RERE: variants seen among roughly 807,000 people sequenced by gnomAD.
The protein encoded by RERE is arginine-glutamic acid dipeptide repeats protein.
A neutral mutation model predicts 146.1 loss-of-function variants in RERE; 40 were observed. The ratio of observed to expected loss-of-function variants is 0.27; its 90% CI spans 0.21 to 0.36. The LOEUF is 0.36. Among genes scored for constraint, RERE ranks in the 10% least tolerant of loss-of-function variants. The pLI is 1.00. For synonymous variants in RERE, 1,003 were observed against 866.0 expected (o/e 1.16, Z -2.78); for missense variants, 1,933 against 2,138.7 (o/e 0.90, Z 1.90).
At chr1:8,464,446 A>C (rs1336111720) in intron 11 of RERE, among the ~76,000 whole-genome samples, 1 of 151,944 alleles carries the variant, frequency 6.6e-6, no homozygotes, top group Non-Finnish European at 1.5e-5. Context: ...AGCAACCCCC[A>C]GAGACCACCG....
At chr1:8,797,488 T>C (rs1219252243) in intron 1 of RERE, among the ~76,000 whole-genome samples, 2 of 152,162 alleles carry the variant, frequency 1.3e-5, no homozygotes, top group East Asian at 3.8e-4. Context: ...TATGCTTTAG[T>C]AGACATATTA....
intron 7 of RERE, among the ~76,000 whole-genome samples, chr1:8,533,157 TG>T (rs1161715475): frequency 6.6e-6 from 1 of 151,614 alleles, no homozygotes; most frequent in Non-Finnish European, 1.5e-5. Context: ...GGCGGAAATC[TG>T]GATGTAATGG....
chr1:8,679,364 C>G (rs777839102), intron 1 of RERE, among the ~76,000 whole-genome samples: 1 of 152,040 alleles, frequency 6.6e-6, no homozygotes, highest in Non-Finnish European at 1.5e-5. Context: ...CAACGTGACC[C>G]GAGGAAAAAA....
intron 4 of RERE, among the ~76,000 whole-genome samples, chr1:8,607,964 G>C (rs1646742180): frequency 6.6e-6 from 1 of 152,096 alleles, no homozygotes; most frequent in African/African-American, 2.4e-5. Context: ...GACTTCAAGT[G>C]ATCCACCCAC....
intron 1 of RERE, among the ~76,000 whole-genome samples, chr1:8,676,212 T>G (rs766414852): frequency 6.6e-6 from 1 of 152,168 alleles, no homozygotes; most frequent in Non-Finnish European, 1.5e-5. Flanking sequence ...GAGTCACAGA[T>G]TAGAATAACA....
chr1:8,556,684 T>G, intron 5 of RERE, 113 bp from the exon 6 acceptor site: 2 of 667,258 alleles, frequency 3.0e-6, no homozygotes, highest in East Asian at 2.6e-5. Context: ...CGGGCCTGGT[T>G]AGCATCGTTA....
rs113620789 is a variant in RERE at position 8,662,339 on chromosome 1, C to CA, written c.-144-5899dup. On this transcript the variant is annotated intron_variant, in intron 1 of 22. Transcript: ENST00000400908. ...TCTCAAAACCAATTCAGACAAAGCA[C>CA]AAAAATTTCAGTCATACTCATGGTC... is the stretch of plus-strand genomic sequence containing the variant. 9.9e-3 allele frequency among the ~76,000 whole-genome samples: 1,506 copies of CA among 152,320 alleles called. 26 individuals carry two copies. Among genetic ancestry groups the CA allele is most frequent in the African/African-American group, 0.035 (1,448 of 41,556 alleles).
chr1:8,717,419 G>A (rs1042672095), intron 1 of RERE, among the ~76,000 whole-genome samples: 5 of 152,108 alleles, frequency 3.3e-5, no homozygotes, highest in African/African-American at 7.2e-5. Context: ...TACACTTCAC[G>A]AGTTCATTAA....
chr1:8,706,113 C>CAA (rs61016240), intron 1 of RERE, among the ~76,000 whole-genome samples: 93 of 69,172 alleles, frequency 1.3e-3, no homozygotes, highest in East Asian at 2.2e-3. Flanking sequence ...ACTCCGTCTC[C>CAA]AAAAAAAAAA....
At chr1:8,595,394 T>C (rs1308864358) in intron 4 of RERE, among the ~76,000 whole-genome samples, 1 of 152,026 alleles carries the variant, frequency 6.6e-6, no homozygotes, top group Non-Finnish European at 1.5e-5. Flanking sequence ...CTGAATATTT[T>C]GTTACAACAT....
At chr1:8,439,845 G>A (rs939981751) in intron 11 of RERE, among the ~76,000 whole-genome samples, 35 of 152,206 alleles carry the variant, frequency 2.3e-4, no homozygotes, top group African/African-American at 8.2e-4. Flanking sequence ...GGCCGAGGTG[G>A]GTGGATCACC....
chr1:8,482,681 CAA>C (rs35501735), intron 10 of RERE, among the ~76,000 whole-genome samples: 52 of 51,224 alleles, frequency 1.0e-3, no homozygotes, highest in South Asian at 4.7e-3. Context: ...GATTCTGTTG[CAA>C]AAAAAAAAAA....
intron 4 of RERE, among the ~76,000 whole-genome samples, chr1:8,579,279 T>C (rs933764724): frequency 4.6e-5 from 7 of 152,204 alleles, no homozygotes; most frequent in African/African-American, 1.7e-4. Flanking sequence ...GAAAAGCTTT[T>C]ACTGTCAAAA....
intron 12 of RERE, among the ~76,000 whole-genome samples, chr1:8,397,277 TTAAG>T (rs1290810887): frequency 1.3e-5 from 2 of 151,138 alleles, no homozygotes; most frequent in Non-Finnish European, 2.9e-5. Flanking sequence ...GCTATGAAGG[TTAAG>T]TAAGTTCAAG....
chr1:8,743,892 T>C (rs184304168), intron 1 of RERE, among the ~76,000 whole-genome samples: 1 of 152,234 alleles, frequency 6.6e-6, no homozygotes, highest in Admixed American at 6.5e-5. Flanking sequence ...CATCAAATCT[T>C]TACTTATTTG....
intron 1 of RERE, among the ~76,000 whole-genome samples, chr1:8,768,599 C>T (rs1437018180): frequency 6.6e-6 from 1 of 152,116 alleles, no homozygotes; most frequent in Non-Finnish European, 1.5e-5. Context: ...TTTAAATAGT[C>T]ATATGAGGGT....
chr1:8,770,325 A>T (rs541556759), intron 1 of RERE, among the ~76,000 whole-genome samples: 4 of 152,300 alleles, frequency 2.6e-5, no homozygotes, highest in South Asian at 2.1e-4. Context: ...ATTTTTTTTT[A>T]AAAGGATGAC....
At chr1:8,436,827 A>T (rs1644176137) in intron 11 of RERE, among the ~76,000 whole-genome samples, 1 of 152,218 alleles carries the variant, frequency 6.6e-6, no homozygotes, top group African/African-American at 2.4e-5. Context: ...CAGTCTTTGA[A>T]ATCAGTGTGT....
intron 2 of RERE, among the ~76,000 whole-genome samples, chr1:8,643,030 C>T (rs181764281): frequency 6.6e-6 from 1 of 152,328 alleles, no homozygotes; most frequent in Admixed American, 6.5e-5. Context: ...GAAAAAGATC[C>T]CTGTCCTGCT....
Sources: allele counts gnomAD v4.1 joint callset (sites outside exome capture counted in the v4.1 genomes callset), GRCh38; gene constraint gnomAD v4.1.1; transcripts MANE v1.5; gene names NCBI Gene and HGNC (gene_info 2026-07-23, HGNC 2026-07-21).